Variants in RAF1 observed in about 807,000 individuals in gnomAD.
The protein encoded by RAF1 is Raf-1 proto-oncogene, serine/threonine kinase.
Under a neutral mutation model 81.1 loss-of-function variants are expected in RAF1, and 27 were observed. The observed-to-expected ratio is 0.33, with a 90% CI of 0.25 to 0.46. The LOEUF (loss-of-function observed/expected upper bound fraction) is 0.46, where lower values mean the gene tolerates loss of function less well. RAF1 is among the 20% of genes least tolerant of loss of function. RAF1 has a pLI of 1.00. For synonymous variants in RAF1, 298 were observed against 294.0 expected (o/e 1.01, Z -0.14); for missense variants, 598 against 826.0 (o/e 0.72, Z 3.38).
chr3:12,603,736 C>G (rs2058936864), intron 7 of RAF1, among the ~76,000 whole-genome samples: 1 of 152,184 alleles, frequency 6.6e-6, no homozygotes, highest in South Asian at 2.1e-4. Flanking sequence ...TATTAAAGTC[C>G]TAGGACTCCA....
intron 1 of RAF1, among the ~76,000 whole-genome samples, chr3:12,620,068 C>T (rs556975973): frequency 6.6e-6 from 1 of 152,108 alleles, no homozygotes; most frequent in African/African-American, 2.4e-5. Context: ...GGGGACAGAG[C>T]AAGACTCCAT....
At chr3:12,625,569 T>C (rs867966433) in intron 1 of RAF1, among the ~76,000 whole-genome samples, 2 of 152,052 alleles carry the variant, frequency 1.3e-5, no homozygotes, top group African/African-American at 4.8e-5. Flanking sequence ...ACCAATAAAC[T>C]GAAAATTACC....
At chr3:12,607,939 G>A (rs1203259942) in intron 5 of RAF1, among the ~76,000 whole-genome samples, 1 of 90,032 alleles carries the variant, frequency 1.1e-5, no homozygotes, top group Non-Finnish European at 2.0e-5. Context: ...GACAGAAAGA[G>A]ACTTGTCTCC....
At chr3:12,601,005 C>T (rs2058846258) in intron 8 of RAF1, among the ~76,000 whole-genome samples, 1 of 152,220 alleles carries the variant, frequency 6.6e-6, no homozygotes, top group African/African-American at 2.4e-5. Flanking sequence ...TCTTGTTCCA[C>T]TGAGGCTCAA....
chr3:12,630,963 C>G (rs886527508), intron 1 of RAF1, among the ~76,000 whole-genome samples: 3 of 152,164 alleles, frequency 2.0e-5, no homozygotes, highest in African/African-American at 7.2e-5. Context: ...GCCACCACGC[C>G]TGACTAATTT....
Position 12,663,972 on chromosome 3 carries a change from G to T in RAF1, c.-186C>A. The T allele has an allele frequency of 2.5e-6, 1 of 398,498 alleles. No homozygotes were observed. The highest frequency in any genetic ancestry group is 3.6e-5 in the East Asian group (1 of 28,070). 24.7% of individuals were successfully genotyped at this position (398,498 alleles called of 1,614,324 possible). On this transcript the variant is annotated 5_prime_UTR_variant, in exon 1 of 18. Coordinates refer to ENST00000442415, the MANE Select transcript of RAF1 (RefSeq NM_001354689.3). The stretch of plus-strand genomic sequence containing the variant: ...GCAGCCCCCGCATCGTAGCAAACGC[G>T]CTCCGCGCCTCAGGGCACGCGCCCC...
rs768078996 is a variant in RAF1, at chr3:12,606,213, C to G, written c.668G>C (p.Arg223Thr). ...GGTAAAAAATTACCTAACAGGCATC[C>G]TGGAAACAGACTCTCGCATACGACG... The change falls in exon 6 of 18, where the codon AGG (arginine) becomes ACG (threonine). Residue 223 changes from arginine (R) to threonine (T), a missense_variant. Transcript: ENST00000442415. 1.2e-6 allele frequency: 2 copies of G among 1,613,398 alleles called. No individual in the cohort carries two copies. Among genetic ancestry groups the G allele is most frequent in the South Asian group, 1.1e-5 (1 of 91,070 alleles).
chr3:12,641,940 G>T (rs2060199931), intron 1 of RAF1, among the ~76,000 whole-genome samples: 1 of 151,550 alleles, frequency 6.6e-6, no homozygotes, highest in African/African-American at 2.4e-5. Flanking sequence ...GAGGTCAGGA[G>T]TTCGAGACCA....
intron 14 of RAF1, among the ~76,000 whole-genome samples, chr3:12,586,441 AACAC>A (rs1023589684): frequency 6.6e-6 from 1 of 152,226 alleles, no homozygotes; most frequent in Non-Finnish European, 1.5e-5. Flanking sequence ...TAAAAAACAA[AACAC>A]ACACAAAGTA....
At chr3:12,606,738 G>A (rs1276237386) in intron 5 of RAF1, among the ~76,000 whole-genome samples, 1 of 151,876 alleles carries the variant, frequency 6.6e-6, no homozygotes, top group Admixed American at 6.6e-5. Flanking sequence ...AAGTTTTAGG[G>A]TACATGTGCA....
At chr3:12,663,343 C>T (rs1339792341) in intron 1 of RAF1, among the ~76,000 whole-genome samples, 1 of 152,184 alleles carries the variant, frequency 6.6e-6, no homozygotes, top group Admixed American at 6.5e-5. Flanking sequence ...TGTGGTAGGG[C>T]ACTGGCCAGT....
chr3:12,601,450 T>C (rs904464), intron 8 of RAF1, among the ~76,000 whole-genome samples: 62,890 of 151,844 alleles, frequency 0.41, 13,680 homozygotes, highest in African/African-American at 0.5. Flanking sequence ...CAGAGGGCTC[T>C]ATGAGACCTA....
rs756420598 is a variant in RAF1 at position 12,618,591 on chromosome 3, T to G, written c.131A>C (p.Asp44Ala). Residue 44 changes from aspartate to alanine, a missense_variant, in exon 2 of 18, where the codon GAT becomes GCT. Around this residue, in one of 5 missense-constraint regions of RAF1, gnomAD observed 83 missense variants for 72.3 expected, o/e 1.15. Transcript: ENST00000442415. ...AGAAGGATCTGTGAGTTTGCCATCA[T>G]CTGATGCCCGGCGCTGATAGCCAAA... 2 of 1,614,192 alleles carry G rather than the reference T, an allele frequency of 1.2e-6. No homozygotes were observed. Among genetic ancestry groups the G allele is most frequent in the South Asian group, 2.2e-5 (2 of 91,090 alleles).
At chr3:12,585,514 T>C (rs542186864) in intron 15 of RAF1, 167 bp downstream of exon 14, 2 of 898,916 alleles carry the variant, frequency 2.2e-6, no homozygotes, top group Non-Finnish European at 2.7e-6. Flanking sequence ...GTGGTTCTGA[T>C]CAACAGCTTC....
chr3:12,590,573 GC>G, intron 13 of RAF1: 1 of 560,936 alleles, frequency 1.8e-6, no homozygotes. Context: ...TGATCCACTG[GC>G]CTTGGCCTCC....
At chr3:12,643,439 T>C (rs1443179300) in intron 1 of RAF1, among the ~76,000 whole-genome samples, 1 of 152,112 alleles carries the variant, frequency 6.6e-6, no homozygotes, top group Non-Finnish European at 1.5e-5. Flanking sequence ...AAAAAGTGAC[T>C]TGTTTAAAAA....
chr3:12,590,703 G>A (rs1315407788), intron 13 of RAF1, 95 bp downstream of exon 12: 19 of 1,359,036 alleles, frequency 1.4e-5, no homozygotes, highest in South Asian at 3.5e-5. Context: ...TCACAGAATC[G>A]CTTAATGGAC....
chr3:12,655,671 C>T (rs149857594), intron 1 of RAF1, among the ~76,000 whole-genome samples: 2,518 of 152,216 alleles, frequency 0.017, 30 homozygotes, highest in South Asian at 0.026. Flanking sequence ...TGGAAATAAT[C>T]CAAGTGTCCA....
rs1057388372 is a variant in RAF1 at position 12,605,250 on chromosome 3, A to G, written c.680+951T>C. Among the ~76,000 whole-genome samples, 146 of 144,634 alleles carry G rather than the reference A, an allele frequency of 1.0e-3. 1 individual carries two copies. Among genetic ancestry groups the G allele is most frequent in the East Asian group, 4.3e-3 (21 of 4,938 alleles). 94.9% of individuals were successfully genotyped at this position (144,634 alleles called of 152,430 possible). On this transcript the variant is annotated intron_variant, in intron 6 of 17. Coordinates refer to ENST00000442415, the MANE Select transcript of RAF1 (RefSeq NM_001354689.3). Reference sequence around the variant, plus strand: ...ATTAAACATTATCTGATTACACATTATGTGTGTGTGTGTGTGTGTGTGTGT... The same window carrying G: ...ATTAAACATTATCTGATTACACATTGTGTGTGTGTGTGTGTGTGTGTGTGT...
Sources: gnomAD v4.1 joint callset for allele counts (sites outside exome capture counted in the v4.1 genomes callset) on GRCh38, gnomAD v4.1.1 for gene constraint, gnomAD v4.1.1 regional missense constraint, MANE v1.5 for transcripts, NCBI Gene and HGNC (gene_info 2026-07-23, HGNC 2026-07-21) for gene names.